The following MBD5 variants were observed in gnomAD, a reference collection of about 807,000 sequenced individuals.
The protein encoded by MBD5 is methyl-CpG binding domain protein 5.
In MBD5, 13 loss-of-function variants were observed where a neutral mutation model predicts 117.3. The ratio of observed to expected loss-of-function variants is 0.11; its 90% CI spans 0.07 to 0.18. MBD5 has a LOEUF of 0.18. Ranked by LOEUF, MBD5 falls within the 10% of genes least tolerant of loss-of-function variation. The pLI, the probability that MBD5 is intolerant of heterozygous loss-of-function variation, is 1.00. For synonymous variants in MBD5, 727 were observed against 766.4 expected (o/e 0.95, Z 0.85); for missense variants, 1,879 against 2,093.8 (o/e 0.90, Z 2.00).
chr2:148,475,495 C>T (rs1402475480), intron 8 of MBD5, among the ~76,000 whole-genome samples: 5 of 151,896 alleles, frequency 3.3e-5, no homozygotes, highest in Non-Finnish European at 7.4e-5. Flanking sequence ...CAGCTGTAGA[C>T]GTTGAGTCTA....
At chr2:148,194,673 G>T (rs1698923507) in intron 2 of MBD5, among the ~76,000 whole-genome samples, 3 of 124,552 alleles carry the variant, frequency 2.4e-5, no homozygotes. Context: ...TGACACGTTA[G>T]TGGGTGCAGC....
chr2:148,510,429 C>A (rs569855568), intron 13 of MBD5, among the ~76,000 whole-genome samples: 1 of 152,342 alleles, frequency 6.6e-6, no homozygotes, highest in South Asian at 2.1e-4. Context: ...CTGCACTTGA[C>A]TCTGTGAATG....
chr2:148,178,385 C>A (rs10427294), intron 1 of MBD5, among the ~76,000 whole-genome samples: 1 of 152,162 alleles, frequency 6.6e-6, no homozygotes, highest in African/African-American at 2.4e-5. Context: ...CAGGACACCA[C>A]AATTTATGTA....
chr2:148,051,220 T>G (rs554838896), intron 1 of MBD5, among the ~76,000 whole-genome samples: 1 of 152,172 alleles, frequency 6.6e-6, no homozygotes, highest in East Asian at 1.9e-4. Flanking sequence ...ATTTTTGGTT[T>G]GTTCATTGCT....
At chr2:148,452,725 A>G (rs936115799) in intron 4 of MBD5, among the ~76,000 whole-genome samples, 3 of 152,180 alleles carry the variant, frequency 2.0e-5, no homozygotes, top group African/African-American at 7.2e-5. Context: ...CACTTAGTAA[A>G]TAAAACCGTG....
Position 148,459,780 on chromosome 2 carries a change from A to G in MBD5, c.113+909A>G, listed in dbSNP as rs555952898. 7.9e-5 allele frequency among the ~76,000 whole-genome samples: 12 copies of G among 152,280 alleles called. No individual in the cohort carries two copies. The East Asian group carries it at 2.3e-3, about 29-fold the overall frequency. ...TGGTTATGTAAACACAGACTATTTT[A>G]TGGCATAATAACTCAGAAAGTCAGT... On this transcript the variant is annotated intron_variant, in intron 5 of 13. Coordinates refer to ENST00000642680, the MANE Select transcript of MBD5 (RefSeq NM_001378120.1).
chr2:148,247,784 A>G (rs1700372966), intron 3 of MBD5, among the ~76,000 whole-genome samples: 1 of 152,162 alleles, frequency 6.6e-6, no homozygotes, highest in Non-Finnish European at 1.5e-5. Context: ...CCAGAAAGAA[A>G]AAGGATTAAA....
At chr2:148,438,791 G>T (rs1164393588) in intron 4 of MBD5, among the ~76,000 whole-genome samples, 1 of 152,140 alleles carries the variant, frequency 6.6e-6, no homozygotes, top group Non-Finnish European at 1.5e-5. Flanking sequence ...AAAGAAATGT[G>T]TGTCCAAGTT....
In MBD5 at chr2:148,490,357, C is replaced by T; in HGVS notation, c.4725C>T (p.Ala1575=). The T allele has an allele frequency of 6.2e-7, 1 of 1,614,146 alleles. No homozygotes were observed. ...TCCATTACAATGGAGACTTTAATGC[C>T]AAAAGCGTTAATGGGTGTGTGCCTA... ...DYIHYNGDFN[A]KSVNGCVPSP... is the part of the protein sequence containing the mutation. Residue 1575 remains alanine (A), a synonymous_variant, in exon 11 of 14, where the codon GCC becomes GCT. Coordinates refer to ENST00000642680, the MANE Select transcript of MBD5 (RefSeq NM_001378120.1).
chr2:148,494,290 A>G (rs753943972), intron 11 of MBD5, among the ~76,000 whole-genome samples: 1 of 152,232 alleles, frequency 6.6e-6, no homozygotes, highest in African/African-American at 2.4e-5. Context: ...CAGCACATGT[A>G]CAAATTGGCA....
chr2:148,202,414 C>A (rs533699002), intron 2 of MBD5, among the ~76,000 whole-genome samples: 1 of 151,996 alleles, frequency 6.6e-6, no homozygotes, highest in South Asian at 2.1e-4. Context: ...CAGAATGGAA[C>A]AGCAAATGTA....
At chr2:148,347,763 C>A (rs548122848) in intron 4 of MBD5, among the ~76,000 whole-genome samples, 5 of 152,102 alleles carry the variant, frequency 3.3e-5, no homozygotes, top group Admixed American at 3.3e-4. Context: ...TATTAACTAA[C>A]ATATTCATCT....
chr2:148,316,443 C>T (rs1174848862), intron 3 of MBD5, among the ~76,000 whole-genome samples: 2 of 152,064 alleles, frequency 1.3e-5, no homozygotes, highest in Non-Finnish European at 2.9e-5. Flanking sequence ...TTTATAGTTT[C>T]TTATTTATTA....
chr2:148,324,900 CCT>C (rs1415513724), intron 3 of MBD5, among the ~76,000 whole-genome samples: 3 of 152,082 alleles, frequency 2.0e-5, no homozygotes, highest in African/African-American at 7.2e-5. Flanking sequence ...AGAGGGAATC[CCT>C]GTCTTGTGCC....
intron 4 of MBD5, among the ~76,000 whole-genome samples, chr2:148,402,185 T>C (rs1704944262): frequency 6.6e-6 from 1 of 152,138 alleles, no homozygotes; most frequent in Admixed American, 6.5e-5. Flanking sequence ...ACTTTGAGAC[T>C]ATACAGATAT....
intron 2 of MBD5, among the ~76,000 whole-genome samples, chr2:148,216,635 C>A (rs1558976425): frequency 6.6e-6 from 1 of 152,102 alleles, no homozygotes; most frequent in Non-Finnish European, 1.5e-5. Context: ...CAATTATATT[C>A]TTCCCTTCTC....
intron 9 of MBD5, chr2:148,485,327 T>G (rs1202663931): frequency 5.9e-6 from 1 of 170,654 alleles, no homozygotes; most frequent in Non-Finnish European, 1.3e-5. Context: ...AAACAAGGCC[T>G]GATCAGGCTC....
At chr2:148,121,359 A>C (rs1394975526) in intron 1 of MBD5, among the ~76,000 whole-genome samples, 2 of 152,092 alleles carry the variant, frequency 1.3e-5, no homozygotes, top group Non-Finnish European at 2.9e-5. Context: ...TTACAAAGGC[A>C]TGCCTAAAAA....
intron 3 of MBD5, among the ~76,000 whole-genome samples, chr2:148,326,945 A>G (rs1448217435): frequency 2.0e-5 from 3 of 150,072 alleles, no homozygotes; most frequent in Non-Finnish European, 3.0e-5. Flanking sequence ...TGGTCTTTAC[A>G]TTTTGGCATG....
Sources: allele counts gnomAD v4.1 joint callset (sites outside exome capture counted in the v4.1 genomes callset), GRCh38; gene constraint gnomAD v4.1.1; transcripts MANE v1.5; gene names NCBI Gene and HGNC (gene_info 2026-07-23, HGNC 2026-07-21).